Variants in ACTR3C observed in about 807,000 individuals in gnomAD.
ACTR3C encodes the protein actin-related protein 3C.
In ACTR3C, 18 loss-of-function variants were observed where a neutral mutation model predicts 26.3. The ratio of observed to expected loss-of-function variants is 0.68; its 90% CI spans 0.47 to 1.01. The LOEUF is 1.01. Among genes scored for constraint, ACTR3C ranks in the 50% least tolerant of loss-of-function variants. The pLI, the probability that ACTR3C is intolerant of heterozygous loss-of-function variation, is 0.00. For missense variants in ACTR3C, 184 were observed against 250.7 expected, an observed-to-expected ratio of 0.73 and a Z score of 1.80; for synonymous variants, 55 against 94.5, an observed-to-expected ratio of 0.58 and a Z score of 2.42.
chr7:150,302,103 A>C (rs181965599), intron 1 of ACTR3C, among the ~76,000 whole-genome samples: 5,177 of 152,240 alleles, frequency 0.034, 293 homozygotes, highest in African/African-American at 0.12. Context: ...AAACAACGAT[A>C]CGTAAAAGAG....
the ACTR3C span, among the ~76,000 whole-genome samples, chr7:150,173,660 A>G: frequency 2.1e-3 from 279 of 134,222 alleles, no homozygotes; most frequent in African/African-American, 9.1e-3. Flanking sequence ...TGCAGAAAAT[A>G]GGTGTTTCTT....
At chr7:149,932,163 G>A in the ACTR3C span, among the ~76,000 whole-genome samples, 2 of 152,180 alleles carry the variant, frequency 1.3e-5, no homozygotes, top group Non-Finnish European at 2.9e-5. Flanking sequence ...AAAAAGGAAT[G>A]GAGTTTAGAT....
the ACTR3C span, among the ~76,000 whole-genome samples, chr7:150,122,486 A>C: frequency 2.0e-5 from 3 of 152,268 alleles, no homozygotes; most frequent in East Asian, 1.9e-4. Flanking sequence ...CATATGAAAA[A>C]AATCTCACCA....
the ACTR3C span, among the ~76,000 whole-genome samples, chr7:149,886,383 C>T: frequency 6.6e-6 from 1 of 152,170 alleles, no homozygotes; most frequent in Non-Finnish European, 1.5e-5. Context: ...AGTAAAAACA[C>T]AAATGCTTTT....
At chr7:150,059,956 T>C in the ACTR3C span, among the ~76,000 whole-genome samples, 1 of 152,224 alleles carries the variant, frequency 6.6e-6, no homozygotes, top group Non-Finnish European at 1.5e-5. Context: ...TAAGAACATA[T>C]ATAGAATTTT....
chr7:149,956,084 T>TTTGCCTTTTTTGAGGCAA, the ACTR3C span, among the ~76,000 whole-genome samples: 3 of 152,194 alleles, frequency 2.0e-5, no homozygotes, highest in Non-Finnish European at 4.4e-5. Flanking sequence ...TCCAAAAAGG[T>TTTGCCTTTTTTGAGGCAA]TTTGAGGCAA....
At chr7:150,163,579 T>G in the ACTR3C span, among the ~76,000 whole-genome samples, 1 of 151,980 alleles carries the variant, frequency 6.6e-6, no homozygotes, top group South Asian at 2.1e-4. Context: ...GGAGATTTAT[T>G]ATGAGGAATA....
chr7:150,172,196 C>CT, the ACTR3C span, among the ~76,000 whole-genome samples: 1 of 150,586 alleles, frequency 6.6e-6, no homozygotes, highest in African/African-American at 2.5e-5. Flanking sequence ...TGAGTCTCTT[C>CT]CAAATGTACT....
chr7:150,004,281 C>T, the ACTR3C span: 2 of 151,538 alleles, frequency 1.3e-5, no homozygotes, highest in African/African-American at 2.4e-5. Context: ...GTGTGGTATT[C>T]GAAGGTAAGA....
the ACTR3C span, among the ~76,000 whole-genome samples, chr7:150,196,210 A>G: frequency 6.6e-6 from 1 of 152,170 alleles, no homozygotes; most frequent in East Asian, 1.9e-4. Context: ...TTCTCCTCAA[A>G]TCTTTGTCAT....
the ACTR3C span, chr7:150,001,158 C>G: frequency 3.3e-5 from 5 of 152,348 alleles, no homozygotes; most frequent in Non-Finnish European, 7.3e-5. Flanking sequence ...AATGGTGTCT[C>G]TTGCTTTGGC....
intron 3 of ACTR3C, among the ~76,000 whole-genome samples, 191 bp from the exon 4 acceptor site, chr7:150,289,784 A>C (rs1430853305): frequency 6.6e-6 from 1 of 152,226 alleles, no homozygotes; most frequent in African/African-American, 2.4e-5. Context: ...CAATTCCATT[A>C]ATATTCAAAA....
the ACTR3C span, among the ~76,000 whole-genome samples, chr7:150,035,660 C>A: frequency 6.5e-5 from 9 of 137,780 alleles, 2 homozygotes; most frequent in Non-Finnish European, 1.1e-4. Context: ...CACTCGCAGT[C>A]CTCCAGGTGG....
the ACTR3C span, among the ~76,000 whole-genome samples, chr7:149,899,833 G>GAAACA: frequency 8.9e-4 from 119 of 134,298 alleles, no homozygotes; most frequent in African/African-American, 3.1e-3. Context: ...AAGTTAACCC[G>GAAACA]AAACAAAACA....
chr7:149,940,051 G>A, the ACTR3C span, among the ~76,000 whole-genome samples: 1 of 140,952 alleles, frequency 7.1e-6, no homozygotes, highest in East Asian at 2.0e-4. Context: ...TTTTCCCATA[G>A]GAACAAATTT....
At chr7:150,253,103 C>T (rs955754928) in intron 6 of ACTR3C, among the ~76,000 whole-genome samples, 7 of 152,100 alleles carry the variant, frequency 4.6e-5, no homozygotes, top group Non-Finnish European at 8.8e-5. Context: ...TGAAGACCAG[C>T]AGAGGGTGGT....
chr7:150,029,389 A>G, the ACTR3C span, among the ~76,000 whole-genome samples: 2 of 132,122 alleles, frequency 1.5e-5, 1 homozygote, highest in South Asian at 4.8e-4. Context: ...GGAAGACTCA[A>G]TCTTTATCAA....
the ACTR3C span, among the ~76,000 whole-genome samples, chr7:150,103,115 G>A: frequency 6.6e-6 from 1 of 151,884 alleles, no homozygotes; most frequent in Non-Finnish European, 1.5e-5. Context: ...CATACTCAAA[G>A]AGAATAAAAA....
rs867200255 is a variant in ACTR3C, at chr7:150,266,531, T to C, written c.565-17477A>G. Among the ~76,000 whole-genome samples the C allele has an allele frequency of 3.9e-4, 59 of 152,228 alleles. 2 individuals carry two copies. Among genetic ancestry groups the C allele is most frequent in the East Asian group, 2.1e-3 (11 of 5,188 alleles). On this transcript the variant is annotated intron_variant, in intron 6 of 7. Coordinates refer to ENST00000683684, the MANE Select transcript of ACTR3C (RefSeq NM_001164458.2). ...AATTTTGTGGTAGGCAAAAATTTCT[T>C]AGCTAGCACATAAAAAAGCATGAAC...
Sources: gnomAD v4.1 joint callset for allele counts (sites outside exome capture counted in the v4.1 genomes callset) on GRCh38, gnomAD v4.1.1 for gene constraint, MANE v1.5 for transcripts, NCBI Gene and HGNC (gene_info 2026-07-23, HGNC 2026-07-21) for gene names.